The following CDH18 variants were observed in gnomAD, a reference collection of about 807,000 sequenced individuals.
The protein encoded by CDH18 is cadherin 18, also known as cadherin-18.
In CDH18, 31 loss-of-function variants were observed where a neutral mutation model predicts 67.9. The observed-to-expected ratio is 0.46, with a 90% CI of 0.34 to 0.62. The LOEUF is 0.62. CDH18 is among the 20% of genes least tolerant of loss of function. The probability of loss-of-function intolerance (pLI) is 0.01; values close to 1 mark genes in which losing one functional copy is unlikely to be tolerated. For synonymous variants in CDH18, 362 were observed against 347.2 expected, an observed-to-expected ratio of 1.04 and a Z score of -0.48; for missense variants, 890 against 975.5, an observed-to-expected ratio of 0.91 and a Z score of 1.17.
At chr5:19,550,955 T>G (rs1357892131) in intron 8 of CDH18, among the ~76,000 whole-genome samples, 1 of 152,178 alleles carries the variant, frequency 6.6e-6, no homozygotes, top group African/African-American at 2.4e-5. Flanking sequence ...TGATTGCCAT[T>G]CTAACTGGTG....
At chr5:19,637,632 T>C (rs546727249) in intron 5 of CDH18, among the ~76,000 whole-genome samples, 1 of 152,280 alleles carries the variant, frequency 6.6e-6, no homozygotes, top group African/African-American at 2.4e-5. Flanking sequence ...CGTCAATACC[T>C]AATCACCCTT....
At chr5:19,535,742 A>C (rs1276294168) in intron 9 of CDH18, among the ~76,000 whole-genome samples, 1 of 152,222 alleles carries the variant, frequency 6.6e-6, no homozygotes, top group African/African-American at 2.4e-5. Context: ...AGAGAGCTGA[A>C]GCAATGTATA....
intron 5 of CDH18, among the ~76,000 whole-genome samples, chr5:19,622,523 T>C (rs1037180588): frequency 6.6e-6 from 1 of 152,216 alleles, no homozygotes; most frequent in African/African-American, 2.4e-5. Flanking sequence ...AAATTTGTGC[T>C]GGCCTGTGAC....
chr5:20,408,005 A>G (rs1353231190), intron 1 of CDH18, among the ~76,000 whole-genome samples: 5 of 152,080 alleles, frequency 3.3e-5, no homozygotes, highest in African/African-American at 1.2e-4. Context: ...GATATATTTG[A>G]AAGCAACAAG....
intron 1 of CDH18, among the ~76,000 whole-genome samples, chr5:20,259,013 A>G (rs1025769668): frequency 3.3e-5 from 5 of 152,168 alleles, no homozygotes; most frequent in African/African-American, 9.7e-5. Context: ...CACCCACAAC[A>G]GAAAACAAAT....
intron 5 of CDH18, among the ~76,000 whole-genome samples, chr5:19,614,570 T>C (rs1311040692): frequency 1.3e-5 from 2 of 152,086 alleles, no homozygotes; most frequent in African/African-American, 4.8e-5. Context: ...AGTAAAGCTG[T>C]CTTTCCTAAG....
At chr5:20,554,999 C>A (rs1757820681) in intron 1 of CDH18, among the ~76,000 whole-genome samples, 1 of 152,182 alleles carries the variant, frequency 6.6e-6, no homozygotes, top group Admixed American at 6.6e-5. Flanking sequence ...AAGTTATGGT[C>A]TGAACGTTAG....
chr5:19,741,455 G>C (rs1769206094), intron 4 of CDH18, among the ~76,000 whole-genome samples: 1 of 150,736 alleles, frequency 6.6e-6, no homozygotes, highest in Non-Finnish European at 1.5e-5. Flanking sequence ...TTTTTAATGA[G>C]AGCCATCATG....
intron 2 of CDH18, among the ~76,000 whole-genome samples, chr5:20,004,703 G>T (rs1736747300): frequency 6.6e-6 from 1 of 152,278 alleles, no homozygotes; most frequent in Admixed American, 6.5e-5. Flanking sequence ...TAGATGGGTT[G>T]GATTACAGAA....
chr5:19,574,932 G>A (rs112793507), intron 7 of CDH18, among the ~76,000 whole-genome samples: 3,822 of 152,112 alleles, frequency 0.025, 158 homozygotes, highest in African/African-American at 0.087. Flanking sequence ...CCAGCTACTC[G>A]GGAGGCTGAG....
chr5:19,557,089 G>C (rs1738578509), intron 8 of CDH18, among the ~76,000 whole-genome samples: 1 of 152,022 alleles, frequency 6.6e-6, no homozygotes, highest in South Asian at 2.1e-4. Context: ...CAAATGCTGA[G>C]AGAATTTACC....
At chr5:19,528,018 T>C (rs1335060656) in intron 9 of CDH18, among the ~76,000 whole-genome samples, 1 of 151,792 alleles carries the variant, frequency 6.6e-6, no homozygotes, top group East Asian at 1.9e-4. Flanking sequence ...GTAATTTACC[T>C]CTAGTTGAAA....
At chr5:20,042,936 T>C (rs1289089895) in intron 2 of CDH18, among the ~76,000 whole-genome samples, 1 of 152,102 alleles carries the variant, frequency 6.6e-6, no homozygotes, top group African/African-American at 2.4e-5. Context: ...CACTCCAGCC[T>C]GGGCGACAGA....
chr5:19,829,807 C>T (rs959657734), intron 3 of CDH18, among the ~76,000 whole-genome samples: 2 of 152,080 alleles, frequency 1.3e-5, no homozygotes, highest in Non-Finnish European at 2.9e-5. Flanking sequence ...CTATAGTAAC[C>T]AAAACAACAT....
chr5:20,229,611 C>T (rs1278156628), intron 2 of CDH18, among the ~76,000 whole-genome samples: 1 of 151,964 alleles, frequency 6.6e-6, no homozygotes, highest in African/African-American at 2.4e-5. Context: ...TTTTGGTAAC[C>T]ACATCTCTTA....
intron 3 of CDH18, among the ~76,000 whole-genome samples, chr5:19,829,983 C>A (rs1042863603): frequency 2.0e-5 from 3 of 152,054 alleles, no homozygotes; most frequent in Non-Finnish European, 4.4e-5. Flanking sequence ...AACGGTATAG[C>A]CATATGAAGA....
At chr5:19,745,220 A>C (rs1416268224) in intron 4 of CDH18, among the ~76,000 whole-genome samples, 1 of 152,154 alleles carries the variant, frequency 6.6e-6, no homozygotes, top group Admixed American at 6.5e-5. Context: ...CCTTCAATCC[A>C]TATATTGACT....
chr5:20,406,417 A>T (rs1016377809), intron 1 of CDH18, among the ~76,000 whole-genome samples: 1 of 142,426 alleles, frequency 7.0e-6, no homozygotes, highest in Non-Finnish European at 1.5e-5. Flanking sequence ...GGACCATCAC[A>T]CCCCGGGGCC....
intron 1 of CDH18, among the ~76,000 whole-genome samples, chr5:20,361,327 A>G (rs1742072286): frequency 6.6e-6 from 1 of 152,054 alleles, no homozygotes; most frequent in Non-Finnish European, 1.5e-5. Flanking sequence ...ATTAGCTATT[A>G]AACAGTGATT....
Sources: allele counts gnomAD v4.1 joint callset (sites outside exome capture counted in the v4.1 genomes callset), GRCh38; gene constraint gnomAD v4.1.1; transcripts MANE v1.5; gene names NCBI Gene and HGNC (gene_info 2026-07-23, HGNC 2026-07-21).